Variants in BNC2 observed in about 807,000 individuals in gnomAD.
BNC2 encodes the protein zinc finger protein basonuclin-2.
Under a neutral mutation model 76.3 loss-of-function variants are expected in BNC2, and 20 were observed. That is an observed-to-expected ratio of 0.26 (90% CI 0.18 to 0.38). The LOEUF (loss-of-function observed/expected upper bound fraction) is 0.38. BNC2 is among the 10% of genes least tolerant of loss of function. The pLI is 1.00. For missense variants in BNC2, 1,382 were observed against 1,399.8 expected, an observed-to-expected ratio of 0.99 and a Z score of 0.20; for synonymous variants, 582 against 514.8, an observed-to-expected ratio of 1.13 and a Z score of -1.77.
At chr9:16,569,933 G>T (rs563869194) in intron 4 of BNC2, among the ~76,000 whole-genome samples, 1 of 152,224 alleles carries the variant, frequency 6.6e-6, no homozygotes, top group African/African-American at 2.4e-5. Context: ...TGTACCAATG[G>T]ATTTAATACA....
rs1401506796 is a variant in BNC2, at chr9:16,414,970, C to T, written c.*4019G>A. ...CAATGTATAATAATGGGGCTGTTAA[C>T]CAGTTAAGTGCCTTTCTCCTCTTAC... On this transcript the variant is annotated 3_prime_UTR_variant, in exon 7 of 7. Transcript: ENST00000380672. 1 of 146,160 alleles carries T rather than the reference C, an allele frequency of 6.8e-6. No individual in the cohort carries two copies. Among genetic ancestry groups the T allele is most frequent in the African/African-American group, 2.5e-5 (1 of 39,582 alleles). 9.1% of individuals were successfully genotyped at this position (146,160 alleles called of 1,614,324 possible). A position where few individuals can be genotyped will look rare whatever the true frequency, so the allele number is the denominator to read the frequency against.
intron 3 of BNC2, among the ~76,000 whole-genome samples, chr9:16,590,976 T>C (rs1215364464): frequency 2.0e-5 from 3 of 152,154 alleles, no homozygotes; most frequent in African/African-American, 7.2e-5. Context: ...CTTATAAACA[T>C]GACCAAAAAG....
intron 5 of BNC2, among the ~76,000 whole-genome samples, chr9:16,517,621 C>T (rs1471854958): frequency 1.3e-5 from 2 of 152,088 alleles, no homozygotes; most frequent in African/African-American, 2.4e-5. Context: ...ACAAACCTGA[C>T]CTGGTGTCCT....
chr9:16,813,964 G>A (rs925658346), intron 1 of BNC2, among the ~76,000 whole-genome samples: 9 of 152,150 alleles, frequency 5.9e-5, no homozygotes, highest in Non-Finnish European at 1.2e-4. Flanking sequence ...ACTAATCTCT[G>A]AGACTCCATA....
At chr9:16,546,488 C>T (rs1818486299) in intron 5 of BNC2, among the ~76,000 whole-genome samples, 1 of 152,136 alleles carries the variant, frequency 6.6e-6, no homozygotes, top group Non-Finnish European at 1.5e-5. Flanking sequence ...TGTTTTTATG[C>T]TCAACTACAA....
intron 1 of BNC2, among the ~76,000 whole-genome samples, chr9:16,848,548 C>CT: frequency 6.6e-6 from 1 of 152,186 alleles, no homozygotes; most frequent in East Asian, 1.9e-4. Flanking sequence ...TCCAAAGACA[C>CT]TGTTAATTAC....
At chr9:16,570,885 A>G (rs1319970943) in intron 4 of BNC2, among the ~76,000 whole-genome samples, 1 of 152,182 alleles carries the variant, frequency 6.6e-6, no homozygotes, top group Non-Finnish European at 1.5e-5. Context: ...GACATCTGAA[A>G]TAATGTGAAT....
At chr9:16,833,129 A>C (rs55763764) in intron 1 of BNC2, among the ~76,000 whole-genome samples, 1 of 151,704 alleles carries the variant, frequency 6.6e-6, no homozygotes, top group Admixed American at 6.6e-5. Context: ...CAAAACCCTC[A>C]GGAAAGTGAT....
chr9:16,484,876 G>T (rs1323081654), intron 5 of BNC2, among the ~76,000 whole-genome samples: 2 of 152,166 alleles, frequency 1.3e-5, no homozygotes, highest in Admixed American at 6.5e-5. Flanking sequence ...GACAAGTGAT[G>T]GGGGAGATTA....
intron 1 of BNC2, among the ~76,000 whole-genome samples, chr9:16,774,485 T>C (rs987773231): frequency 6.6e-6 from 1 of 152,232 alleles, no homozygotes; most frequent in African/African-American, 2.4e-5. Flanking sequence ...AGACCATAGC[T>C]TGTGCTGTAG....
chr9:16,542,465 A>C (rs1818354028), intron 5 of BNC2, among the ~76,000 whole-genome samples: 1 of 152,170 alleles, frequency 6.6e-6, no homozygotes, highest in Non-Finnish European at 1.5e-5. Flanking sequence ...CAAATGAAAA[A>C]ACTTCCTAGA....
At chr9:16,716,696 A>C (rs537493484) in intron 3 of BNC2, among the ~76,000 whole-genome samples, 2 of 152,364 alleles carry the variant, frequency 1.3e-5, no homozygotes, top group Non-Finnish European at 2.9e-5. Flanking sequence ...TGTAGTACGT[A>C]GGCTATGACC....
intron 5 of BNC2, among the ~76,000 whole-genome samples, chr9:16,497,978 GGTGTGTGTGTGTGT>G (rs34523754): frequency 0.05 from 6,789 of 134,830 alleles, 595 homozygotes; most frequent in African/African-American, 0.17. Flanking sequence ...AAGAAACTGT[GGTGTGTGTGTGTGT>G]GTGTGTGTGT....
chr9:16,856,095 A>G (rs1307350028), intron 1 of BNC2, among the ~76,000 whole-genome samples: 1 of 152,198 alleles, frequency 6.6e-6, no homozygotes, highest in Non-Finnish European at 1.5e-5. Flanking sequence ...AAAACAATGT[A>G]TCAAGTATTA....
intron 5 of BNC2, among the ~76,000 whole-genome samples, chr9:16,486,579 A>G (rs1213304606): frequency 6.6e-6 from 1 of 152,242 alleles, no homozygotes; most frequent in African/African-American, 2.4e-5. Context: ...TCAGCTTTTC[A>G]GCAAACATAT....
chr9:16,870,177 C>A (rs1819643888), intron 1 of BNC2, among the ~76,000 whole-genome samples: 1 of 145,336 alleles, frequency 6.9e-6, no homozygotes, highest in African/African-American at 2.6e-5. Context: ...CCACGCCCAG[C>A]CGCCGGTCCC....
rs958088068 is a variant in BNC2 at position 16,636,943 on chromosome 9, AT to A, written c.331-53859del. ...ATGATTTAAATATATATATATATGT[AT>A]TTTTTTTTTAAAGCTCACATAGTGC... On this transcript the variant is annotated intron_variant, in intron 3 of 6. Coordinates refer to ENST00000380672, the MANE Select transcript of BNC2 (RefSeq NM_017637.6). 1.5e-4 allele frequency among the ~76,000 whole-genome samples: 23 copies of A among 149,144 alleles called. 1 individual carries two copies. Among genetic ancestry groups the A allele is most frequent in the South Asian group, 8.5e-4 (4 of 4,694 alleles).
At chr9:16,826,341 T>C (rs1048978855) in intron 1 of BNC2, among the ~76,000 whole-genome samples, 1 of 151,804 alleles carries the variant, frequency 6.6e-6, no homozygotes, top group Non-Finnish European at 1.5e-5. Context: ...TAGAAGGTTT[T>C]AAAAGCATCT....
At chr9:16,470,445 CCCCAAGAACATGGGGAAAATG>C (rs1460885686) in intron 5 of BNC2, among the ~76,000 whole-genome samples, 1 of 152,214 alleles carries the variant, frequency 6.6e-6, no homozygotes, top group East Asian at 1.9e-4. Context: ...TAATGTTAAT[CCCCAAGAACATGGGGAAAATG>C]TCTCCATGCC....
Sources: allele counts gnomAD v4.1 joint callset (sites outside exome capture counted in the v4.1 genomes callset), GRCh38; gene constraint gnomAD v4.1.1; transcripts MANE v1.5; gene names NCBI Gene and HGNC (gene_info 2026-07-23, HGNC 2026-07-21).